NIPAL2: variants seen among roughly 807,000 people sequenced by gnomAD.
NIPAL2 encodes NIPA like domain containing 2.
In NIPAL2, 43 loss-of-function variants were observed where a neutral mutation model predicts 48.9. That is an observed-to-expected ratio of 0.88 (90% CI 0.69 to 1.13). The LOEUF (loss-of-function observed/expected upper bound fraction) is 1.13. Among genes scored for constraint, NIPAL2 ranks in the 50% most tolerant of loss-of-function variants. The pLI, the probability that NIPAL2 is intolerant of heterozygous loss-of-function variation, is 0.00. For missense variants in NIPAL2, 446 were observed against 461.4 expected, an observed-to-expected ratio of 0.97 and a Z score of 0.31; for synonymous variants, 167 against 174.6, an observed-to-expected ratio of 0.96 and a Z score of 0.34.
intron 8 of NIPAL2, among the ~76,000 whole-genome samples, chr8:98,197,588 C>T (rs1268134062): frequency 3.3e-5 from 5 of 152,238 alleles, no homozygotes; most frequent in African/African-American, 1.2e-4. Flanking sequence ...TTCAAAATCT[C>T]TACTTAATCT....
intron 8 of NIPAL2, among the ~76,000 whole-genome samples, chr8:98,199,039 C>G (rs1373737260): frequency 6.6e-6 from 1 of 151,658 alleles, no homozygotes; most frequent in Non-Finnish European, 1.5e-5. Flanking sequence ...TCACTGCAAC[C>G]TCCGCCTCCT....
intron 1 of NIPAL2, among the ~76,000 whole-genome samples, chr8:98,284,418 T>TCACA (rs57611524): frequency 4.1e-5 from 6 of 146,250 alleles, no homozygotes; most frequent in African/African-American, 7.4e-5. Flanking sequence ...TCTCTCTCTC[T>TCACA]CACACACACA....
intron 1 of NIPAL2, among the ~76,000 whole-genome samples, chr8:98,283,773 C>G (rs1440638553): frequency 6.6e-6 from 1 of 152,168 alleles, no homozygotes; most frequent in Non-Finnish European, 1.5e-5. Flanking sequence ...TGAACTCCAA[C>G]AGTATTTTGT....
At chr8:98,278,041 T>C (rs1294011567) in intron 1 of NIPAL2, among the ~76,000 whole-genome samples, 1 of 152,210 alleles carries the variant, frequency 6.6e-6, no homozygotes, top group African/African-American at 2.4e-5. Context: ...TCTTCATCTT[T>C]CCTCTTGAGT....
intron 3 of NIPAL2, among the ~76,000 whole-genome samples, chr8:98,239,090 A>G (rs568678199): frequency 2.2e-4 from 34 of 152,324 alleles, no homozygotes; most frequent in Non-Finnish European, 4.1e-4. Flanking sequence ...CATTATAACA[A>G]TCCTTGAAAT....
intron 8 of NIPAL2, among the ~76,000 whole-genome samples, chr8:98,199,257 A>C (rs1458791939): frequency 6.6e-6 from 1 of 152,098 alleles, no homozygotes; most frequent in African/African-American, 2.4e-5. Context: ...CACCCGGCCC[A>C]AAAACTTTTT....
chr8:98,236,635 G>T (rs1812728084), intron 3 of NIPAL2, among the ~76,000 whole-genome samples: 1 of 152,004 alleles, frequency 6.6e-6, no homozygotes, highest in African/African-American at 2.4e-5. Flanking sequence ...AGGAGTTTGA[G>T]TCCAGGAGTT....
intron 1 of NIPAL2, among the ~76,000 whole-genome samples, chr8:98,269,752 C>T (rs972423493): frequency 1.3e-5 from 2 of 152,066 alleles, no homozygotes; most frequent in African/African-American, 4.8e-5. Flanking sequence ...GGTATGTTCG[C>T]AAGATGCTGA....
chr8:98,236,947 G>T (rs913653966), intron 3 of NIPAL2, among the ~76,000 whole-genome samples: 7 of 149,496 alleles, frequency 4.7e-5, no homozygotes, highest in Admixed American at 6.7e-5. Context: ...TATAATTCCT[G>T]TTCCGACAAT....
At chr8:98,263,574 A>T (rs974380728) in intron 1 of NIPAL2, among the ~76,000 whole-genome samples, 1 of 149,430 alleles carries the variant, frequency 6.7e-6, no homozygotes, top group Non-Finnish European at 1.5e-5. Flanking sequence ...CCAAGACTAA[A>T]CCAGGAAGAA....
chr8:98,259,318 G>A lies in NIPAL2; in HGVS notation c.136-5231C>T, dbSNP rs1032241226. ...TCTCGATCTCCTGACCTCGTGATCC[G>A]CCCGTCTCGGCCTCCCAAAGTGCTG... On this transcript the variant is annotated intron_variant, in intron 1 of 10. Coordinates refer to ENST00000430223, the MANE Select transcript of NIPAL2 (RefSeq NM_001321635.2). Among the ~76,000 whole-genome samples, 23 of 151,708 alleles carry A rather than the reference G, an allele frequency of 1.5e-4. No individual in the cohort carries two copies. In the South Asian group the frequency reaches 3.1e-3, roughly 21 times the overall value.
Position 98,194,758 on chromosome 8 carries a change from G to A in NIPAL2, c.1009C>T (p.Gln337Ter). Residue 337 changes from glutamine to a stop codon, truncating the protein, a stop_gained, in exon 10 of 11, where the codon CAG becomes TAG. Transcript: ENST00000430223. LOFTEE classifies it high-confidence loss of function. The stretch of plus-strand genomic sequence containing the variant: ...ATATTTCCAAAATCAATATAAGACT[G>A]TTGCAGATGTTCCTTTTCTCGATTT... ...TRNREKEHLQQSYIDFGNIPG... is the reference protein window; with the variant it reads ...TRNREKEHLQ The A allele has an allele frequency of 6.4e-7, 1 of 1,572,536 alleles. No individual in the cohort carries two copies.
chr8:98,284,072 A>G, intron 1 of NIPAL2, among the ~76,000 whole-genome samples: 1 of 152,124 alleles, frequency 6.6e-6, no homozygotes, highest in East Asian at 1.9e-4. Context: ...CCCCAAGCCC[A>G]CTATTCCTGG....
intron 1 of NIPAL2, among the ~76,000 whole-genome samples, chr8:98,260,501 C>A (rs1814239449): frequency 6.6e-6 from 1 of 152,180 alleles, no homozygotes; most frequent in South Asian, 2.1e-4. Flanking sequence ...CTTTCCGAGT[C>A]AAAGAAAGGG....
At chr8:98,291,623 T>C (rs966300030) in intron 1 of NIPAL2, among the ~76,000 whole-genome samples, 3 of 152,228 alleles carry the variant, frequency 2.0e-5, no homozygotes, top group Admixed American at 2.0e-4. Flanking sequence ...CTGTAGTGCT[T>C]TGTACATAGC....
intron 1 of NIPAL2, among the ~76,000 whole-genome samples, chr8:98,291,451 C>A (rs983375228): frequency 1.3e-5 from 2 of 152,180 alleles, no homozygotes; most frequent in Non-Finnish European, 2.9e-5. Context: ...ATGGCCCAGC[C>A]AAATGCCCCT....
chr8:98,259,163 G>A lies in NIPAL2; in HGVS notation c.136-5076C>T, dbSNP rs376673153. Among the ~76,000 whole-genome samples, 154 of 131,224 alleles carry A rather than the reference G, an allele frequency of 1.2e-3. 5 individuals carry two copies. In the South Asian group the frequency reaches 0.038, roughly 33 times the overall value. 86.1% of individuals were successfully genotyped at this position (131,224 alleles called of 152,430 possible). ...GCGATCTCGACTCACTGCAAGCTCC[G>A]CCTCCCGGGTTCACGCCATTCTCCT... On this transcript the variant is annotated intron_variant, in intron 1 of 10. Coordinates refer to ENST00000430223, the MANE Select transcript of NIPAL2 (RefSeq NM_001321635.2).
intron 1 of NIPAL2, among the ~76,000 whole-genome samples, chr8:98,265,313 G>T (rs1159383904): frequency 6.7e-6 from 1 of 149,386 alleles, no homozygotes; most frequent in Admixed American, 6.7e-5. Flanking sequence ...CTTCTGCACA[G>T]CAAAAGAAAC....
chr8:98,192,431 A>C lies in NIPAL2; in HGVS notation c.*547T>G, dbSNP rs1424751667. The C allele has an allele frequency of 6.6e-6, 1 of 152,432 alleles. No homozygotes were observed. The highest frequency in any genetic ancestry group is 6.5e-5 in the Admixed American group (1 of 15,312). 9.4% of individuals were successfully genotyped at this position (152,432 alleles called of 1,614,324 possible). On this transcript the variant is annotated 3_prime_UTR_variant, in exon 11 of 11. Coordinates refer to ENST00000430223, the MANE Select transcript of NIPAL2 (RefSeq NM_001321635.2). ...AATTCTAATTTTAAAGAGACCCTTAATTTTCAAAGGAGGACTTTGATAGCA... is the reference window on the plus strand; with the variant it reads ...AATTCTAATTTTAAAGAGACCCTTACTTTTCAAAGGAGGACTTTGATAGCA...
Sources: gnomAD v4.1 joint callset for allele counts (sites outside exome capture counted in the v4.1 genomes callset) on GRCh38, gnomAD v4.1.1 for gene constraint, MANE v1.5 for transcripts, NCBI Gene and HGNC (gene_info 2026-07-23, HGNC 2026-07-21) for gene names.